FRAS1: variants seen among roughly 807,000 people sequenced by gnomAD.
FRAS1 encodes the protein extracellular matrix organizing protein FRAS1.
In FRAS1, 290 loss-of-function variants were observed where a neutral mutation model predicts 435.2. The observed-to-expected ratio is 0.67, with a 90% CI of 0.61 to 0.73. The LOEUF is 0.73. FRAS1 is among the 30% of genes least tolerant of loss of function. The pLI, the probability that FRAS1 is intolerant of heterozygous loss-of-function variation, is 0.00. For missense variants in FRAS1, 4,860 were observed against 5,001.5 expected, an observed-to-expected ratio of 0.97 and a Z score of 0.85; for synonymous variants, 1,800 against 1,851.0, an observed-to-expected ratio of 0.97 and a Z score of 0.71.
rs551168847 is a variant in FRAS1 at position 78,149,468 on chromosome 4, C to T, written c.108+83452C>T. ...CCACCAGCACCAGTCTCATTCTTCA[C>T]AGGAAACACCACCTATTGATTCTTG... On this transcript the variant is annotated intron_variant, in intron 2 of 73. Transcript: ENST00000512123. Among the ~76,000 whole-genome samples the T allele has an allele frequency of 1.3e-4, 20 of 152,312 alleles. No individual in the cohort carries two copies. The South Asian group carries it at 3.7e-3, about 28-fold the overall frequency.
At chr4:78,185,267 G>T (rs1177066683) in intron 2 of FRAS1, among the ~76,000 whole-genome samples, 1 of 152,200 alleles carries the variant, frequency 6.6e-6, no homozygotes, top group Non-Finnish European at 1.5e-5. Context: ...AGAGTGAAAG[G>T]CAAGTCAACT....
At chr4:78,508,635 C>A in intron 62 of FRAS1, 96 bp from the exon 63 acceptor site, 1 of 1,260,486 alleles carries the variant, frequency 7.9e-7, no homozygotes, top group Non-Finnish European at 1.1e-6. Context: ...AACCTGTAGA[C>A]ACTAAGAGAT....
intron 72 of FRAS1, among the ~76,000 whole-genome samples, chr4:78,538,254 T>G (rs936212927): frequency 1.4e-4 from 21 of 152,238 alleles, no homozygotes; most frequent in African/African-American, 5.1e-4. Flanking sequence ...ACTTAAAATT[T>G]TTTCAGGTTT....
chr4:78,205,960 G>A (rs6533529), intron 2 of FRAS1, among the ~76,000 whole-genome samples: 149,830 of 152,120 alleles, frequency 0.98, 73,825 homozygotes, highest in Middle Eastern at 1. Context: ...TCCACTGTAT[G>A]CAGAATTCTA....
chr4:78,318,677 A>G lies in FRAS1; in HGVS notation c.1961-133A>G, dbSNP rs556360654. ...ACATTATTATCACTCTGTGCTTTGT[A>G]TAGAACATTAGAAAAATAATATGCT... On this transcript the variant is annotated intron_variant, in intron 17 of 73. Transcript: ENST00000512123. The G allele has an allele frequency of 7.0e-6, 6 of 851,654 alleles. No individual in the cohort carries two copies. In the East Asian group the frequency reaches 1.1e-4, roughly 15 times the overall value. 52.8% of individuals were successfully genotyped at this position (851,654 alleles called of 1,614,324 possible).
chr4:78,294,471 T>C (rs1728053743), intron 14 of FRAS1, among the ~76,000 whole-genome samples: 1 of 152,180 alleles, frequency 6.6e-6, no homozygotes. Flanking sequence ...ATTATACCTA[T>C]GTTGTCGATT....
At chr4:78,471,610 A>G (rs756090962) in intron 51 of FRAS1, among the ~76,000 whole-genome samples, 2 of 152,200 alleles carry the variant, frequency 1.3e-5, no homozygotes, top group South Asian at 2.1e-4. Flanking sequence ...AAAATCTTCA[A>G]TGCTCTTGAC....
intron 15 of FRAS1, among the ~76,000 whole-genome samples, chr4:78,312,032 C>T (rs1466226731): frequency 6.6e-6 from 1 of 151,844 alleles, no homozygotes; most frequent in African/African-American, 2.4e-5. Context: ...CTTTGTTAAA[C>T]AATAATCTTT....
intron 20 of FRAS1, among the ~76,000 whole-genome samples, chr4:78,345,003 A>G (rs374222109): frequency 2.0e-5 from 3 of 152,162 alleles, no homozygotes; most frequent in Non-Finnish European, 4.4e-5. Flanking sequence ...AAGAATCTAC[A>G]TAATTGTCAT....
rs753415339 is a variant in FRAS1, at chr4:78,466,414, C to T, written c.7236C>T (p.Ile2412=). 6.2e-7 allele frequency: 1 copy of T among 1,613,400 alleles called. No homozygotes were observed. The highest frequency in any genetic ancestry group is 8.5e-7 in the Non-Finnish European group (1 of 1,179,522). Residue 2412 remains isoleucine, a synonymous_variant, in exon 50 of 74, where the codon ATC becomes ATT. Transcript: ENST00000512123. ...CTGATGGGACAAACCCCTTCTTTAT[C>T]ATTGAGGAAGGGGGAAAAGAGGTGA... ...TVSDGTNPFF[I]IEEGGKEIMT...
chr4:78,468,892 C>A (rs12639694), intron 50 of FRAS1, among the ~76,000 whole-genome samples: 49,653 of 152,044 alleles, frequency 0.33, 8,846 homozygotes, highest in Admixed American at 0.41. Flanking sequence ...TACTTTGACA[C>A]TGAAGGATTA....
intron 15 of FRAS1, among the ~76,000 whole-genome samples, chr4:78,312,411 A>G (rs1170448176): frequency 6.6e-6 from 1 of 151,676 alleles, no homozygotes; most frequent in East Asian, 1.9e-4. Context: ...ACTTTTTTTC[A>G]TTAATTTCTA....
intron 13 of FRAS1, among the ~76,000 whole-genome samples, chr4:78,285,434 C>CTTT (rs143667746): frequency 1.4e-5 from 2 of 145,598 alleles, no homozygotes; most frequent in Non-Finnish European, 3.0e-5. Context: ...CTTCCATATT[C>CTTT]TTTTTTTTTT....
rs1253600018 is a variant in FRAS1, at chr4:78,298,030, C to CTCTATA, written c.1535-10035_1535-10034insCTATAT. On this transcript the variant is annotated intron_variant, in intron 14 of 73. Coordinates refer to ENST00000512123, the MANE Select transcript of FRAS1 (RefSeq NM_025074.7). The stretch of plus-strand genomic sequence containing the variant: ...TCTCTCTCTCTCTCTCTCTCTCTCT[C>CTCTATA]TATATATATATATATATATATATTA... Among the ~76,000 whole-genome samples the CTCTATA allele has an allele frequency of 4.3e-3, 451 of 104,050 alleles. 5 individuals carry two copies. Among genetic ancestry groups the CTCTATA allele is most frequent in the African/African-American group, 0.012 (371 of 29,998 alleles). The allele number at this position is 104,050 out of a possible 152,430, so 68.3% of individuals were successfully genotyped here.
intron 2 of FRAS1, among the ~76,000 whole-genome samples, chr4:78,125,915 C>T (rs1431602374): frequency 6.6e-6 from 1 of 152,202 alleles, no homozygotes; most frequent in South Asian, 2.1e-4. Flanking sequence ...GTCTTCAGAG[C>T]TGTCAGGCAG....
chr4:78,244,625 T>G (rs772235478), intron 3 of FRAS1, among the ~76,000 whole-genome samples: 1 of 152,192 alleles, frequency 6.6e-6, no homozygotes, highest in Non-Finnish European at 1.5e-5. Context: ...CCTATTCTCT[T>G]GATAGTATCA....
At chr4:78,229,069 G>GGT (rs1724400774) in intron 2 of FRAS1, among the ~76,000 whole-genome samples, 1 of 152,138 alleles carries the variant, frequency 6.6e-6, no homozygotes, top group South Asian at 2.1e-4. Flanking sequence ...CAAGCCTGTG[G>GGT]GTATGGAGGT....
At chr4:78,212,042 C>T (rs145642194) in intron 2 of FRAS1, among the ~76,000 whole-genome samples, 144 of 152,268 alleles carry the variant, frequency 9.5e-4, no homozygotes, top group South Asian at 4.8e-3. Flanking sequence ...CTTTTTATGA[C>T]TAATATTCCA....
intron 61 of FRAS1, among the ~76,000 whole-genome samples, chr4:78,502,890 TC>T (rs1197211414): frequency 6.6e-6 from 1 of 152,216 alleles, no homozygotes; most frequent in Admixed American, 6.5e-5. Flanking sequence ...ATACATTCCA[TC>T]AATACCTAGT....
Sources: allele counts gnomAD v4.1 joint callset (sites outside exome capture counted in the v4.1 genomes callset), GRCh38; gene constraint gnomAD v4.1.1; transcripts MANE v1.5; gene names NCBI Gene and HGNC (gene_info 2026-07-23, HGNC 2026-07-21).